The following SH3RF1 variants were observed in gnomAD, a reference collection of about 807,000 sequenced individuals.
SH3RF1 encodes SH3 domain containing ring finger 1.
A neutral mutation model predicts 74.0 loss-of-function variants in SH3RF1; 32 were observed. The ratio of observed to expected loss-of-function variants is 0.43; its 90% confidence interval spans 0.33 to 0.58. The LOEUF (loss-of-function observed/expected upper bound fraction) is 0.58. Among genes scored for constraint, SH3RF1 ranks in the 20% least tolerant of loss-of-function variants. The pLI is 0.05. For synonymous variants in SH3RF1, 396 were observed against 439.6 expected, an observed-to-expected ratio of 0.90 and a Z score of 1.24; for missense variants, 954 against 1,130.9, an observed-to-expected ratio of 0.84 and a Z score of 2.24.
At chr4:169,241,788 T>C (rs978184464) in intron 2 of SH3RF1, among the ~76,000 whole-genome samples, 5 of 152,176 alleles carry the variant, frequency 3.3e-5, no homozygotes, top group East Asian at 1.9e-4. Flanking sequence ...TCTTGGGAAA[T>C]GGGGACTGGT....
intron 2 of SH3RF1, among the ~76,000 whole-genome samples, chr4:169,242,687 C>T (rs556277238): frequency 1.3e-5 from 2 of 152,258 alleles, no homozygotes; most frequent in Admixed American, 1.3e-4. Context: ...GGGGCTCTGC[C>T]CTCATAAATG....
intron 11 of SH3RF1, 120 bp downstream of exon 11, chr4:169,106,726 TA>T: frequency 2.5e-6 from 2 of 809,616 alleles, no homozygotes; most frequent in Non-Finnish European, 3.8e-6. Flanking sequence ...CTTATTTTCA[TA>T]AGCTCAGTTT....
intron 8 of SH3RF1, 116 bp downstream of exon 8, chr4:169,120,703 C>G (rs1207523533): frequency 5.4e-6 from 6 of 1,114,876 alleles, no homozygotes; most frequent in Non-Finnish European, 7.5e-6. Flanking sequence ...TTTTTAAAAC[C>G]TTGGCTATGT....
chr4:169,159,091 G>A lies in SH3RF1; in HGVS notation c.394-2412C>T, dbSNP rs111362891. On this transcript the variant is annotated intron_variant, in intron 2 of 11. Transcript: ENST00000284637. Reference sequence around the variant, plus strand: ...GTCTTAAGATCTGGCCTCCAATGGCGTCACTTCTGCTACTCTGCCTTGACC... The same window carrying A: ...GTCTTAAGATCTGGCCTCCAATGGCATCACTTCTGCTACTCTGCCTTGACC... Among the ~76,000 whole-genome samples the A allele has an allele frequency of 1.4e-3, 215 of 152,046 alleles. 2 individuals carry two copies. The South Asian group carries it at 0.027, about 19-fold the overall frequency.
intron 6 of SH3RF1, among the ~76,000 whole-genome samples, chr4:169,127,873 T>A (rs1733552487): frequency 1.3e-5 from 2 of 152,200 alleles, no homozygotes; most frequent in Admixed American, 1.3e-4. Flanking sequence ...ATATCCCTTA[T>A]CCAAATGCTT....
At chr4:169,270,765 G>C (rs1731437496) in intron 1 of SH3RF1, 94 bp downstream of exon 1, 1 of 152,184 alleles carries the variant, frequency 6.6e-6, no homozygotes, top group Non-Finnish European at 1.5e-5. Context: ...ACCCAGGGCG[G>C]GGATGGGGGA....
At chr4:169,189,014 T>C (rs575344235) in intron 2 of SH3RF1, among the ~76,000 whole-genome samples, 3 of 152,218 alleles carry the variant, frequency 2.0e-5, no homozygotes, top group African/African-American at 7.2e-5. Flanking sequence ...AAAAAGAAAA[T>C]GAAAACTTCC....
At chr4:169,124,074 C>T (rs1311437250) in intron 6 of SH3RF1, among the ~76,000 whole-genome samples, 2 of 152,114 alleles carry the variant, frequency 1.3e-5, no homozygotes, top group East Asian at 1.9e-4. Flanking sequence ...GATAATAATG[C>T]ATCAGCAGTT....
chr4:169,103,919 C>A (rs1733086281), intron 11 of SH3RF1, among the ~76,000 whole-genome samples: 1 of 152,208 alleles, frequency 6.6e-6, no homozygotes, highest in Non-Finnish European at 1.5e-5. Flanking sequence ...AGAATTCCAG[C>A]ATGCCCAGGC....
At chr4:169,215,181 T>C (rs1730443244) in intron 2 of SH3RF1, among the ~76,000 whole-genome samples, 1 of 152,202 alleles carries the variant, frequency 6.6e-6, no homozygotes, top group Admixed American at 6.5e-5. Flanking sequence ...GGTGTTGAAT[T>C]TGGTCAAATT....
intron 8 of SH3RF1, among the ~76,000 whole-genome samples, chr4:169,120,152 A>G (rs1733414841): frequency 6.6e-6 from 1 of 152,208 alleles, no homozygotes; most frequent in Admixed American, 6.5e-5. Flanking sequence ...GTGACAATCA[A>G]AAATATTTCT....
chr4:169,182,425 C>A (rs895623854), intron 2 of SH3RF1, among the ~76,000 whole-genome samples: 1 of 152,050 alleles, frequency 6.6e-6, no homozygotes, highest in Non-Finnish European at 1.5e-5. Flanking sequence ...TATATTTTTT[C>A]TTTTCAAAGC....
chr4:169,174,343 G>A (rs557119284), intron 2 of SH3RF1, among the ~76,000 whole-genome samples: 3 of 152,292 alleles, frequency 2.0e-5, no homozygotes, highest in South Asian at 4.1e-4. Context: ...GATTATTGGC[G>A]TGAGCCATCA....
chr4:169,270,171 T>C (rs1054797801), intron 1 of SH3RF1, among the ~76,000 whole-genome samples: 4 of 152,184 alleles, frequency 2.6e-5, no homozygotes, highest in African/African-American at 9.6e-5. Context: ...GTAAAAAGAT[T>C]TGGCTGGGAG....
rs1260554379 is a variant in SH3RF1, at chr4:169,095,528, T to C, written c.*991A>G. On this transcript the variant is annotated 3_prime_UTR_variant, in exon 12 of 12. Coordinates refer to ENST00000284637, the MANE Select transcript of SH3RF1 (RefSeq NM_020870.4). ...AATATGAACTTTTCACAGTGTTTCTTATAGCCTTTGACTTAACACGAGTGC... is the reference window on the plus strand; with the variant it reads ...AATATGAACTTTTCACAGTGTTTCTCATAGCCTTTGACTTAACACGAGTGC... 6.6e-6 allele frequency: 1 copy of C among 152,638 alleles called. No individual in the cohort carries two copies. Among genetic ancestry groups the C allele is most frequent in the Non-Finnish European group, 1.5e-5 (1 of 68,042 alleles). 9.5% of individuals were successfully genotyped at this position (152,638 alleles called of 1,614,324 possible).
intron 2 of SH3RF1, among the ~76,000 whole-genome samples, chr4:169,213,941 G>C (rs556040545): frequency 6.6e-6 from 1 of 152,250 alleles, no homozygotes; most frequent in African/African-American, 2.4e-5. Flanking sequence ...TCTTGAAGTT[G>C]GATGGTGTGA....
chr4:169,210,124 C>A (rs1194383108), intron 2 of SH3RF1, among the ~76,000 whole-genome samples: 1 of 152,106 alleles, frequency 6.6e-6, no homozygotes, highest in Non-Finnish European at 1.5e-5. Flanking sequence ...AGTTCTCAAA[C>A]CTCTATTCTG....
At chr4:169,230,020 A>G (rs1358377452) in intron 2 of SH3RF1, among the ~76,000 whole-genome samples, 1 of 124,028 alleles carries the variant, frequency 8.1e-6, no homozygotes, top group Non-Finnish European at 1.8e-5. Context: ...AGCCTGGTCA[A>G]CATGGTGAAA....
Position 169,268,719 on chromosome 4 carries a change from C to A in SH3RF1, c.393+101G>T. The A allele has an allele frequency of 2.2e-6, 3 of 1,344,318 alleles. No individual in the cohort carries two copies. In the African/African-American group the frequency reaches 4.4e-5, roughly 20 times the overall value. 83.3% of individuals were successfully genotyped at this position (1,344,318 alleles called of 1,614,324 possible). A position where few individuals can be genotyped will look rare whatever the true frequency, so the allele number is the denominator to read the frequency against. ...TATCTGTTCCAGTATGTATGGTTTC[C>A]TAAGCAATGAGTTGACTTCGAAAAC... On this transcript the variant is annotated intron_variant, in intron 2 of 11. Coordinates refer to ENST00000284637, the MANE Select transcript of SH3RF1 (RefSeq NM_020870.4).
Sources: allele counts gnomAD v4.1 joint callset (sites outside exome capture counted in the v4.1 genomes callset), GRCh38; gene constraint gnomAD v4.1.1; transcripts MANE v1.5; gene names NCBI Gene and HGNC (gene_info 2026-07-23, HGNC 2026-07-21).